Variants in CYP1B1 observed in about 807,000 individuals in gnomAD.
CYP1B1 encodes cytochrome P450 1B1.
CYP1B1 carries 22 observed loss-of-function variants against 29.9 expected under a neutral mutation model. That is an observed-to-expected ratio of 0.74 (90% CI 0.53 to 1.05). The LOEUF (loss-of-function observed/expected upper bound fraction) is 1.05, where lower values mean the gene tolerates loss of function less well. Among genes scored for constraint, CYP1B1 ranks in the 50% least tolerant of loss-of-function variants. CYP1B1 has a pLI of 0.00. For missense variants in CYP1B1, 883 were observed against 746.9 expected (o/e 1.18, Z -2.12); for synonymous variants, 375 against 320.0 (o/e 1.17, Z -1.83).
chr2:38,070,919 G>T lies in CYP1B1; in HGVS notation c.1435C>A (p.Gln479Lys). The T allele has an allele frequency of 6.2e-7, 1 of 1,614,004 alleles. No individual in the cohort carries two copies. Among genetic ancestry groups the T allele is most frequent in the Non-Finnish European group, 8.5e-7 (1 of 1,179,876 alleles). Residue 479 changes from glutamine (Q) to lysine (K), a missense_variant, in exon 3 of 3, where the codon CAG becomes AAG. Transcript: ENST00000610745. Reference protein sequence around the residue: ...RCIGEELSKMQLFLFISILAH... With the variant: ...RCIGEELSKMKLFLFISILAH... ...AGGATGGAGATGAAGAGAAAAAGCT[G>T]CATCTTAGAAAGTTCTTCGCCAATG...
rs3834137 is a variant in CYP1B1, at chr2:38,069,548, TG to T, written c.*1173del. On this transcript the variant is annotated 3_prime_UTR_variant, in exon 3 of 3. Coordinates refer to ENST00000610745, the MANE Select transcript of CYP1B1 (RefSeq NM_000104.4). ...TTAGGTTATTTTCAAAACAAGATTC[TG>T]TATTATAAATAGAATTTCAATAAAG... The T allele has an allele frequency of 4.7e-4, 91 of 195,216 alleles. 2 individuals carry two copies. In the East Asian group the frequency reaches 7.3e-3, roughly 16 times the overall value. 12.1% of individuals were successfully genotyped at this position (195,216 alleles called of 1,614,324 possible). A position where few individuals can be genotyped will look rare whatever the true frequency, so the allele number is the denominator to read the frequency against.
chr2:38,074,351 G>A lies in CYP1B1; in HGVS notation c.1038C>T (p.Phe346=). 6.2e-7 allele frequency: 1 copy of A among 1,613,256 alleles called. No homozygotes were observed. Among genetic ancestry groups the A allele is most frequent in the Non-Finnish European group, 8.5e-7 (1 of 1,179,942 alleles). Residue 346 remains phenylalanine (F), a synonymous_variant, in exon 2 of 3, where the codon TTC becomes TTT. Coordinates refer to ENST00000610745, the MANE Select transcript of CYP1B1 (RefSeq NM_000104.4). ...STALQWLLLL[F]TRYPDVQTRV... ...ACGCCTCCCAGAGGCTTTACCTGGT[G>A]AAGAGGAGGAGCAGCCACTGCAGCG...
At chr2:38,072,924 T>C (rs777387102) in intron 2 of CYP1B1, among the ~76,000 whole-genome samples, 3 of 152,240 alleles carry the variant, frequency 2.0e-5, no homozygotes, top group African/African-American at 4.8e-5. Context: ...GCATATTGAA[T>C]TGAAAGTGAC....
At chr2:38,075,455 C>G in intron 1 of CYP1B1, 66 bp from the exon 2 acceptor site, 1 of 1,519,092 alleles carries the variant, frequency 6.6e-7, no homozygotes, top group East Asian at 2.3e-5. Flanking sequence ...GCCCCACGCC[C>G]CTACCCCAGC....
In CYP1B1 at chr2:38,075,974, C is replaced by G. The variant is rs1682532246; in HGVS notation, c.-196G>C. On this transcript the variant is annotated 5_prime_UTR_variant, in exon 1 of 3. Coordinates refer to ENST00000610745, the MANE Select transcript of CYP1B1 (RefSeq NM_000104.4). ...AGGAGCGCTTGGATTGGGATGGGGA[C>G]GGAGAAGGGTGCCTCGCTCGCCGAG... 6.4e-6 allele frequency: 1 copy of G among 155,982 alleles called. No homozygotes were observed. The highest frequency in any genetic ancestry group is 1.4e-5 in the Non-Finnish European group (1 of 70,166). 9.7% of individuals were successfully genotyped at this position (155,982 alleles called of 1,614,324 possible).
intron 1 of CYP1B1, 103 bp from the exon 2 acceptor site, chr2:38,075,492 G>A (rs991301788): frequency 8.5e-7 from 1 of 1,173,802 alleles, no homozygotes; most frequent in South Asian, 1.3e-5. Context: ...CCGTTGGGTG[G>A]AGAGGTCGGA....
chr2:38,068,060 G>C lies in CYP1B1; in HGVS notation c.*2662C>G, dbSNP rs1334876830. 1.5e-5 allele frequency: 3 copies of C among 201,978 alleles called. No homozygotes were observed. In the Admixed American group the frequency reaches 1.8e-4, roughly 12 times the overall value. The allele number at this position is 201,978 out of a possible 1,614,324, so 12.5% of individuals were successfully genotyped here. ...AGACATCTTTTTGTTTTGGAAAAAAGCAATTTGCTTATAGAGTCAAAGCTT... is the reference window on the plus strand; with the variant it reads ...AGACATCTTTTTGTTTTGGAAAAAACCAATTTGCTTATAGAGTCAAAGCTT... On this transcript the variant is annotated 3_prime_UTR_variant, in exon 3 of 3. Transcript: ENST00000610745.
At position 38,075,209 on chromosome 2, in the gene CYP1B1, G is replaced by A. The variant is rs572392563; in HGVS notation, c.180C>T (p.Ile60=). Residue 60 remains isoleucine, a synonymous_variant, in exon 2 of 3, where the codon ATC becomes ATT. Transcript: ENST00000610745. ...CCTGGCCCACCGCCGCCGCGTTTCC[G>A]ATCAGTGGCCACGCAAACGGGCCCG... ...APPGPFAWPL[I]GNAAAVGQAA... is the part of the protein sequence containing the mutation. 1.3e-6 allele frequency: 2 copies of A among 1,580,372 alleles called. No homozygotes were observed.
rs189809220 is a variant in CYP1B1 at position 38,069,039 on chromosome 2, T to C, written c.*1683A>G. On this transcript the variant is annotated 3_prime_UTR_variant, in exon 3 of 3. Coordinates refer to ENST00000610745, the MANE Select transcript of CYP1B1 (RefSeq NM_000104.4). ...TAGCACTTAGGACACTGTAGAACTT[T>C]CTTTGGAAGTTTAATTGCAATGAAC... 2.5e-4 allele frequency: 56 copies of C among 226,726 alleles called. No individual in the cohort carries two copies. The highest frequency in any genetic ancestry group is 2.2e-3 in the Admixed American group (39 of 17,598). 14.0% of individuals were successfully genotyped at this position (226,726 alleles called of 1,614,324 possible).
At chr2:38,074,059 G>A (rs1397992594) in intron 2 of CYP1B1, 4 of 542,014 alleles carry the variant, frequency 7.4e-6, no homozygotes, top group Non-Finnish European at 9.9e-6. Flanking sequence ...TGTTTTTCCG[G>A]GGGGTGGAGG....
Position 38,075,015 on chromosome 2 carries a change from A to C in CYP1B1, c.374T>G (p.Val125Gly), listed in dbSNP as rs932141281. 3.1e-6 allele frequency: 5 copies of C among 1,591,948 alleles called. No homozygotes were observed. The African/African-American group carries it at 5.3e-5, about 17-fold the overall frequency. ...ADRPAFASFR[V>G]VSGGRSMAFG... ...AGCCATGCTGCGGCCGCCGGACACC[A>C]CACGGAAGGAGGCGAAGGCCGGCCG... The change falls in exon 2 of 3, where the codon GTG (valine) becomes GGG (glycine). Residue 125 changes from valine to glycine, a missense_variant. Coordinates refer to ENST00000610745, the MANE Select transcript of CYP1B1 (RefSeq NM_000104.4).
rs149049138 is a variant in CYP1B1, at chr2:38,071,009, C to T, written c.1345G>A (p.Asp449Asn). The change falls in exon 3 of 3, where the codon GAT becomes AAT. Residue 449 changes from aspartate to asparagine, a missense_variant. Asp to Asn is a conservative substitution (Grantham distance 23, BLOSUM62 1). Coordinates refer to ENST00000610745, the MANE Select transcript of CYP1B1 (RefSeq NM_000104.4). ...GTCAGGTCCTTGTTGATGAGGCCAT[C>T]CTTGTCCAAGAATCGAGCTGGATCA... Reference protein sequence around the residue: ...NFDPARFLDKDGLINKDLTSR... With the variant: ...NFDPARFLDKNGLINKDLTSR... 3 of 1,613,958 alleles carry T rather than the reference C, an allele frequency of 1.9e-6. No individual in the cohort carries two copies. In the African/African-American group the frequency reaches 4.0e-5, roughly 22 times the overall value.
In CYP1B1 at chr2:38,075,099, A is replaced by G. The variant is rs747768543; in HGVS notation, c.290T>C (p.Leu97Pro). 4.4e-6 allele frequency: 7 copies of G among 1,581,176 alleles called. No homozygotes were observed. In the South Asian group the frequency reaches 7.9e-5, roughly 18 times the overall value. The change falls in exon 2 of 3, where the codon CTG becomes CCG. Residue 97 changes from leucine (L) to proline (P), a missense_variant. Transcript: ENST00000610745. ...IRLGSCPIVV[L>P]NGERAIHQAL... ...CTGGTGGATGGCGCGCTCGCCATTC[A>G]GCACCACTATGGGGCAGCTGCCCAG...
chr2:38,068,390 G>A lies in CYP1B1; in HGVS notation c.*2332C>T, dbSNP rs186892186. ...CCTTTTGCCGCAAGCATCTGATGAC[G>A]ACTGGGCCTACATACGTAAAAACAG... is the stretch of plus-strand genomic sequence containing the variant. On this transcript the variant is annotated 3_prime_UTR_variant, in exon 3 of 3. Coordinates refer to ENST00000610745, the MANE Select transcript of CYP1B1 (RefSeq NM_000104.4). 192 of 227,488 alleles carry A rather than the reference G, an allele frequency of 8.4e-4. No homozygotes were observed. The highest frequency in any genetic ancestry group is 3.8e-3 in the African/African-American group (172 of 45,012). The allele number at this position is 227,488 out of a possible 1,614,324, so 14.1% of individuals were successfully genotyped here. A position where few individuals can be genotyped will look rare whatever the true frequency, so the allele number is the denominator to read the frequency against.
chr2:38,075,752 C>G (rs1220129421), intron 1 of CYP1B1, 28 bp downstream of exon 1: 1 of 306,596 alleles, frequency 3.3e-6, no homozygotes, highest in Admixed American at 4.6e-5. Context: ...AAGAGGTCGC[C>G]GGGCAGCGCC....
chr2:38,073,173 C>A (rs1178917897), intron 2 of CYP1B1, among the ~76,000 whole-genome samples: 2 of 152,150 alleles, frequency 1.3e-5, no homozygotes, highest in African/African-American at 4.8e-5. Flanking sequence ...ACTAAAAAGC[C>A]ATTTTAAGTA....
In CYP1B1 at chr2:38,075,186, T is replaced by C. The variant is rs9282670; in HGVS notation, c.203A>G (p.Gln68Arg). The C allele has an allele frequency of 3.8e-6, 6 of 1,567,910 alleles. No homozygotes were observed. The highest frequency in any genetic ancestry group is 5.2e-6 in the Non-Finnish European group (6 of 1,164,458). ...GCGAGCGAACGAGAGGTGAGCCGCC[T>C]GGCCCACCGCCGCCGCGTTTCCGAT... Reference protein sequence around the residue: ...PLIGNAAAVGQAAHLSFARLA... With the variant: ...PLIGNAAAVGRAAHLSFARLA... Residue 68 changes from glutamine (Q) to arginine (R), a missense_variant, in exon 2 of 3, where the codon CAG becomes CGG. Transcript: ENST00000610745.
rs1240682197 is a variant in CYP1B1, at chr2:38,070,934, C to A, written c.1420G>T (p.Glu474Ter). ...AGAAAAAGCTGCATCTTAGAAAGTT[C>A]TTCGCCAATGCACCGCCTTTTGCCC... ...SVGKRRCIGE[E>*]LSKMQLFLFI... The change falls in exon 3 of 3, where the codon GAA becomes TAA. Residue 474 changes from glutamate to a stop codon, truncating the protein, a stop_gained. Coordinates refer to ENST00000610745, the MANE Select transcript of CYP1B1 (RefSeq NM_000104.4). LOFTEE classifies it high-confidence loss of function. 6.2e-7 allele frequency: 1 copy of A among 1,614,078 alleles called. No homozygotes were observed. Among genetic ancestry groups the A allele is most frequent in the Non-Finnish European group, 8.5e-7 (1 of 1,180,046 alleles).
chr2:38,073,640 G>A (rs1196491407), intron 2 of CYP1B1: 2 of 152,406 alleles, frequency 1.3e-5, no homozygotes, highest in African/African-American at 4.8e-5. Flanking sequence ...AACGTCTGCA[G>A]GCGCCTCCTG....
Sources: allele counts gnomAD v4.1 joint callset (sites outside exome capture counted in the v4.1 genomes callset), GRCh38; gene constraint gnomAD v4.1.1; transcripts MANE v1.5; gene names NCBI Gene and HGNC (gene_info 2026-07-23, HGNC 2026-07-21).